OSBPL10: variants seen among roughly 807,000 people sequenced by gnomAD.
OSBPL10 encodes oxysterol-binding protein-related protein 10.
A neutral mutation model predicts 81.7 loss-of-function variants in OSBPL10; 49 were observed. The ratio of observed to expected loss-of-function variants is 0.60; its 90% CI spans 0.48 to 0.76. The LOEUF (loss-of-function observed/expected upper bound fraction) is 0.76. Ranked by LOEUF, OSBPL10 falls within the 30% of genes least tolerant of loss-of-function variation. OSBPL10 has a pLI of 0.00. For synonymous variants in OSBPL10, 419 were observed against 383.6 expected, an observed-to-expected ratio of 1.09 and a Z score of -1.08; for missense variants, 923 against 987.8, an observed-to-expected ratio of 0.93 and a Z score of 0.88.
intron 3 of OSBPL10, among the ~76,000 whole-genome samples, chr3:31,838,416 C>G (rs1700411518): frequency 7.0e-6 from 1 of 143,694 alleles, no homozygotes; most frequent in Non-Finnish European, 1.5e-5. Context: ...GAGACTGAAA[C>G]AGGAGAATGG....
At chr3:31,663,295 A>G (rs1476268997) in intron 11 of OSBPL10, 3 of 985,236 alleles carry the variant, frequency 3.0e-6, no homozygotes, top group Non-Finnish European at 3.6e-6. Context: ...ATGAACAACT[A>G]GACAATCTGT....
intron 3 of OSBPL10, among the ~76,000 whole-genome samples, chr3:31,841,776 G>C (rs1037099479): frequency 6.6e-6 from 1 of 152,294 alleles, no homozygotes; most frequent in South Asian, 2.1e-4. Context: ...ACGGTATTTA[G>C]TCCCTACTGT....
intron 2 of OSBPL10, among the ~76,000 whole-genome samples, chr3:32,038,042 CAA>C (rs1209472915): frequency 3.9e-5 from 6 of 152,094 alleles, no homozygotes; most frequent in Admixed American, 1.3e-4. Context: ...GAAGTTGTAC[CAA>C]GAGAGAGTTC....
chr3:31,940,913 C>T (rs1213947573), intron 1 of OSBPL10, among the ~76,000 whole-genome samples: 1 of 152,156 alleles, frequency 6.6e-6, no homozygotes, highest in East Asian at 1.9e-4. Context: ...GCTGGGATTA[C>T]AGGCATGAGC....
rs556944552 is a variant in OSBPL10, at chr3:31,945,950, C to T, written c.281+34949G>A. Among the ~76,000 whole-genome samples the T allele has an allele frequency of 5.3e-5, 8 of 152,190 alleles. No individual in the cohort carries two copies. The South Asian group carries it at 8.3e-4, about 16-fold the overall frequency. ...GAGAACCTCTTGCCATTAGGGATTG[C>T]CTGAATCAACAGACACTACTAAGTT... On this transcript the variant is annotated intron_variant, in intron 1 of 11. Coordinates refer to ENST00000396556, the MANE Select transcript of OSBPL10 (RefSeq NM_017784.5).
At chr3:31,783,809 AAAAAAAAAAAAAAAATATAT>A (rs1698777075) in intron 4 of OSBPL10, among the ~76,000 whole-genome samples, 3 of 74,852 alleles carry the variant, frequency 4.0e-5, no homozygotes, top group Non-Finnish European at 7.5e-5. Flanking sequence ...AAAAAAAAAA[AAAAAAAAAAAAAAAATATAT>A]ATATATATAT....
chr3:31,661,910 T>G lies in OSBPL10; in HGVS notation c.*162A>C, dbSNP rs866200643. On this transcript the variant is annotated 3_prime_UTR_variant, in exon 12 of 12. Transcript: ENST00000396556. The stretch of plus-strand genomic sequence containing the variant: ...GAATAAATTCATTCCTCTAGCAGAG[T>G]GTGGGGGTGCACTTTTCATAGTATA... 3 of 1,019,324 alleles carry G rather than the reference T, an allele frequency of 2.9e-6. No individual in the cohort carries two copies. Among genetic ancestry groups the G allele is most frequent in the Middle Eastern group, 2.7e-4 (1 of 3,742 alleles). The allele number at this position is 1,019,324 out of a possible 1,614,324, so 63.1% of individuals were successfully genotyped here.
intron 1 of OSBPL10, 52 bp downstream of exon 1, chr3:31,980,847 A>G (rs1050902780): frequency 1.5e-5 from 19 of 1,228,406 alleles, no homozygotes; most frequent in African/African-American, 1.3e-4. Flanking sequence ...GCACGCACAC[A>G]CACACACACA....
At position 31,712,931 on chromosome 3, in the gene OSBPL10, C is replaced by T. The variant is rs1008584260; in HGVS notation, c.1096-10423G>A. Among the ~76,000 whole-genome samples the T allele has an allele frequency of 4.7e-5, 7 of 148,370 alleles. No individual in the cohort carries two copies. The East Asian group carries it at 9.8e-4, about 21-fold the overall frequency. On this transcript the variant is annotated intron_variant, in intron 6 of 11. Transcript: ENST00000396556. ...ATCCTTGACTTTAATTTCTTGCTTA[C>T]GCACTGTTCCACATCACATCCATCA...
At chr3:31,797,751 G>A (rs188511193) in intron 4 of OSBPL10, 107 of 455,476 alleles carry the variant, frequency 2.3e-4, no homozygotes, top group African/African-American at 1.2e-3. Flanking sequence ...ACAATACAAT[G>A]TACCAGAAAG....
At chr3:32,067,858 A>C (rs1027586368) in intron 1 of OSBPL10, among the ~76,000 whole-genome samples, 2 of 152,152 alleles carry the variant, frequency 1.3e-5, no homozygotes, top group Non-Finnish European at 2.9e-5. Context: ...GCCTGCACCC[A>C]CATGAAATAA....
chr3:31,938,631 A>G (rs369872784), intron 1 of OSBPL10, among the ~76,000 whole-genome samples: 3 of 151,906 alleles, frequency 2.0e-5, no homozygotes, highest in African/African-American at 7.3e-5. Flanking sequence ...ACCTCAGCCT[A>G]CCACGTAGCT....
At chr3:31,755,587 C>T (rs1697862758) in intron 4 of OSBPL10, among the ~76,000 whole-genome samples, 2 of 152,182 alleles carry the variant, frequency 1.3e-5, no homozygotes. Flanking sequence ...TTTTTCTGTC[C>T]ACCCTTGCCC....
intron 4 of OSBPL10, among the ~76,000 whole-genome samples, chr3:31,750,534 G>C (rs1053738847): frequency 3.3e-5 from 5 of 152,266 alleles, no homozygotes; most frequent in Admixed American, 1.3e-4. Flanking sequence ...AAGAAGTACT[G>C]CCAACTAGTT....
chr3:31,744,706 C>T (rs867255847), intron 5 of OSBPL10, among the ~76,000 whole-genome samples: 5 of 151,720 alleles, frequency 3.3e-5, no homozygotes, highest in Non-Finnish European at 5.9e-5. Context: ...CATTTCAACC[C>T]GTCACCACCT....
At chr3:31,870,212 C>T (rs72850601) in intron 3 of OSBPL10, among the ~76,000 whole-genome samples, 4,642 of 152,344 alleles carry the variant, frequency 0.03, 217 homozygotes, top group African/African-American at 0.1. Flanking sequence ...CCCCGCACTC[C>T]GAGCAGCCGG....
At chr3:32,059,027 G>A (rs1699735090) in intron 1 of OSBPL10, among the ~76,000 whole-genome samples, 1 of 152,172 alleles carries the variant, frequency 6.6e-6, no homozygotes, top group Non-Finnish European at 1.5e-5. Flanking sequence ...GGCCGGGTGT[G>A]GTGGCTCATA....
chr3:31,702,527 T>TA lies in OSBPL10; in HGVS notation c.1096-20dup, dbSNP rs767488982. 10 of 1,613,642 alleles carry TA rather than the reference T, an allele frequency of 6.2e-6. No individual in the cohort carries two copies. The East Asian group carries it at 2.2e-4, about 36-fold the overall frequency. On this transcript the variant is annotated intron_variant, in intron 6 of 11. Coordinates refer to ENST00000396556, the MANE Select transcript of OSBPL10 (RefSeq NM_017784.5). ...AGTTTGGCTAAAATGAAATAATCAA[T>TA]AAAAATCACCAGCTGGCCCAATAGA...
intron 1 of OSBPL10, among the ~76,000 whole-genome samples, chr3:31,970,798 T>C (rs894384459): frequency 2.5e-5 from 3 of 119,122 alleles, no homozygotes; most frequent in East Asian, 4.8e-4. Context: ...CTTCAGAAAG[T>C]AGCCTTTTTT....
Sources: allele counts gnomAD v4.1 joint callset (sites outside exome capture counted in the v4.1 genomes callset), GRCh38; gene constraint gnomAD v4.1.1; transcripts MANE v1.5; gene names NCBI Gene and HGNC (gene_info 2026-07-23, HGNC 2026-07-21).